The following CYFIP1 variants were observed in gnomAD, a reference collection of about 807,000 sequenced individuals.
CYFIP1 encodes the protein cytoplasmic FMR1 interacting protein 1, also known as cytoplasmic FMR1-interacting protein 1.
CYFIP1 carries 58 observed loss-of-function variants against 163.5 expected under a neutral mutation model. That is an observed-to-expected ratio of 0.35 (90% CI 0.29 to 0.44). CYFIP1 has a LOEUF of 0.44. Among genes scored for constraint, CYFIP1 ranks in the 20% least tolerant of loss-of-function variants. The probability of loss-of-function intolerance (pLI) is 1.00; values close to 1 mark genes in which losing one functional copy is unlikely to be tolerated. For missense variants in CYFIP1, 1,338 were observed against 1,653.8 expected (o/e 0.81, Z 3.31); for synonymous variants, 663 against 660.7 (o/e 1.00, Z -0.05).
chr15:22,939,871 C>T (rs1054009279), intron 6 of CYFIP1, among the ~76,000 whole-genome samples: 3 of 152,106 alleles, frequency 2.0e-5, no homozygotes, highest in Non-Finnish European at 2.9e-5. Context: ...TGAGAAGGGC[C>T]ACTGCCATCT....
intron 1 of CYFIP1, among the ~76,000 whole-genome samples, chr15:22,977,529 C>T (rs1435734375): frequency 6.6e-6 from 1 of 152,106 alleles, no homozygotes; most frequent in African/African-American, 2.4e-5. Context: ...GTTAAAACTT[C>T]ACACTATAAA....
At chr15:22,926,616 A>C (rs1275306681) in intron 12 of CYFIP1, among the ~76,000 whole-genome samples, 1 of 152,236 alleles carries the variant, frequency 6.6e-6, no homozygotes, top group African/African-American at 2.4e-5. Flanking sequence ...CAAAAGGGAA[A>C]ATCTTTCATT....
At chr15:22,972,931 T>A (rs895601143) in intron 1 of CYFIP1, among the ~76,000 whole-genome samples, 3 of 151,214 alleles carry the variant, frequency 2.0e-5, no homozygotes, top group African/African-American at 7.3e-5. Flanking sequence ...AGGTAAGGAG[T>A]TTGAGACTAG....
At chr15:22,906,841 T>C (rs1271236459) in intron 21 of CYFIP1, among the ~76,000 whole-genome samples, 1 of 152,216 alleles carries the variant, frequency 6.6e-6, no homozygotes, top group African/African-American at 2.4e-5. Flanking sequence ...CGTGGGTGTC[T>C]GTCTGACGTG....
intron 22 of CYFIP1, among the ~76,000 whole-genome samples, chr15:22,895,989 G>A (rs911259232): frequency 2.6e-5 from 4 of 152,116 alleles, no homozygotes; most frequent in Non-Finnish European, 5.9e-5. Context: ...GACTATAATC[G>A]TATTAGGGCA....
chr15:22,976,111 T>C (rs2063267249), intron 1 of CYFIP1, among the ~76,000 whole-genome samples: 2 of 152,236 alleles, frequency 1.3e-5, no homozygotes, highest in South Asian at 4.1e-4. Context: ...TATACCTAAG[T>C]ATTTGATTCC....
At chr15:22,951,612 G>C in intron 1 of CYFIP1, 1 of 1,235,552 alleles carries the variant, frequency 8.1e-7, no homozygotes, top group Non-Finnish European at 1.1e-6. Flanking sequence ...GAGGCCTGGG[G>C]GCGTGTCCAG....
At chr15:22,922,412 C>T (rs1410977656) in intron 13 of CYFIP1, among the ~76,000 whole-genome samples, 2 of 152,234 alleles carry the variant, frequency 1.3e-5, no homozygotes, top group Non-Finnish European at 2.9e-5. Context: ...ATAAGCACGT[C>T]CCGTGCAATT....
At chr15:22,914,608 GC>G in intron 17 of CYFIP1, 117 bp downstream of exon 17, 1 of 1,098,916 alleles carries the variant, frequency 9.1e-7, no homozygotes, top group Non-Finnish European at 1.2e-6. Flanking sequence ...TTTTGCCCAG[GC>G]CCAGAAACTT....
At chr15:22,898,822 T>C (rs2060309593) in intron 22 of CYFIP1, among the ~76,000 whole-genome samples, 1 of 151,958 alleles carries the variant, frequency 6.6e-6, no homozygotes, top group Admixed American at 6.6e-5. Flanking sequence ...GCTAAAATGG[T>C]GAAACCCCGT....
At chr15:22,976,780 A>G (rs1054733851) in intron 1 of CYFIP1, among the ~76,000 whole-genome samples, 2 of 152,210 alleles carry the variant, frequency 1.3e-5, no homozygotes, top group Admixed American at 6.5e-5. Flanking sequence ...CTCAGGTTTC[A>G]GGCTTCCATT....
intron 1 of CYFIP1, among the ~76,000 whole-genome samples, chr15:22,964,478 A>G (rs1042183860): frequency 2.0e-5 from 3 of 152,106 alleles, no homozygotes; most frequent in South Asian, 2.1e-4. Context: ...GCAAGAAGGC[A>G]GGTCTTGGCC....
chr15:22,877,019 A>G, intron 26 of CYFIP1, among the ~76,000 whole-genome samples: 1 of 152,262 alleles, frequency 6.6e-6, no homozygotes, highest in Middle Eastern at 3.4e-3. Context: ...ATGACCAGAC[A>G]GGCATCCTCA....
intron 11 of CYFIP1, among the ~76,000 whole-genome samples, chr15:22,929,357 G>A (rs1374936371): frequency 6.6e-6 from 1 of 152,090 alleles, no homozygotes; most frequent in Non-Finnish European, 1.5e-5. Flanking sequence ...ATTATGACCG[G>A]GTGCAATGGC....
intron 23 of CYFIP1, among the ~76,000 whole-genome samples, chr15:22,883,651 A>G (rs1055905455): frequency 6.6e-6 from 1 of 152,026 alleles, no homozygotes; most frequent in East Asian, 1.9e-4. Flanking sequence ...CCCCGTCTCT[A>G]CTAAATATAC....
chr15:22,893,003 AAAAG>A (rs762105327), intron 22 of CYFIP1, 26 bp from the exon 23 acceptor site: 4 of 1,533,140 alleles, frequency 2.6e-6, no homozygotes, highest in South Asian at 1.1e-5. Context: ...TTAAAAAAGA[AAAAG>A]AAACCAAATT....
chr15:22,980,498 C>G (rs974380452), upstream of CYFIP1: 1 of 152,072 alleles, frequency 6.6e-6, no homozygotes, highest in African/African-American at 2.4e-5. Flanking sequence ...CGGGGCATCC[C>G]CGGCCGGGCG....
chr15:22,937,596 C>CTTTTTT lies in CYFIP1; in HGVS notation c.796-394_796-389dup, dbSNP rs919893437. 4.2e-5 allele frequency among the ~76,000 whole-genome samples: 6 copies of CTTTTTT among 143,740 alleles called. 2 individuals carry two copies. Among genetic ancestry groups the CTTTTTT allele is most frequent in the Admixed American group, 1.5e-4 (2 of 13,696 alleles). The allele number at this position is 143,740 out of a possible 152,430, so 94.3% of individuals were successfully genotyped here. ...TTTCGGTGTATGCAAACTAAAAATT[C>CTTTTTT]TTTTTTTGTTTTTTTTTTTTGAGAT... On this transcript the variant is annotated intron_variant, in intron 8 of 30. Coordinates refer to ENST00000617928, the MANE Select transcript of CYFIP1 (RefSeq NM_014608.6).
At chr15:22,975,038 G>A (rs923507761) in intron 1 of CYFIP1, among the ~76,000 whole-genome samples, 1 of 151,714 alleles carries the variant, frequency 6.6e-6, no homozygotes, top group Non-Finnish European at 1.5e-5. Context: ...CCACTTCCAC[G>A]TGATGAGTAG....
Sources: gnomAD v4.1 joint callset for allele counts (sites outside exome capture counted in the v4.1 genomes callset) on GRCh38, gnomAD v4.1.1 for gene constraint, MANE v1.5 for transcripts, NCBI Gene and HGNC (gene_info 2026-07-23, HGNC 2026-07-21) for gene names.